DPP10: variants seen among roughly 807,000 people sequenced by gnomAD.
The protein encoded by DPP10 is inactive dipeptidyl peptidase 10.
Under a neutral mutation model 120.9 loss-of-function variants are expected in DPP10, and 33 were observed. The ratio of observed to expected loss-of-function variants is 0.27; its 90% CI spans 0.21 to 0.37. The LOEUF (loss-of-function observed/expected upper bound fraction) is 0.37, where lower values mean the gene tolerates loss of function less well. Ranked by LOEUF, DPP10 falls within the 10% of genes least tolerant of loss-of-function variation. The probability of loss-of-function intolerance (pLI) is 1.00; values close to 1 mark genes in which losing one functional copy is unlikely to be tolerated. For synonymous variants in DPP10, 337 were observed against 326.1 expected (o/e 1.03, Z -0.36); for missense variants, 816 against 942.8 (o/e 0.87, Z 1.76).
chr2:115,186,495 C>T (rs1167160342), intron 1 of DPP10, among the ~76,000 whole-genome samples: 1 of 152,024 alleles, frequency 6.6e-6, no homozygotes, highest in Non-Finnish European at 1.5e-5. Context: ...TTAGCTTATC[C>T]TTGGTGGTAG....
intron 1 of DPP10, among the ~76,000 whole-genome samples, chr2:115,287,517 C>T (rs910382493): frequency 1.3e-5 from 2 of 152,090 alleles, no homozygotes; most frequent in Non-Finnish European, 2.9e-5. Flanking sequence ...CATAGCTTAG[C>T]TCCCATTTAT....
At chr2:114,541,043 A>G (rs1200777482) in intron 1 of DPP10, among the ~76,000 whole-genome samples, 2 of 152,210 alleles carry the variant, frequency 1.3e-5, no homozygotes, top group African/African-American at 4.8e-5. Context: ...AAATAGATAT[A>G]TCTTTCAAGA....
At chr2:114,521,287 C>CACAA (rs1491067734) in intron 1 of DPP10, among the ~76,000 whole-genome samples, 1 of 150,284 alleles carries the variant, frequency 6.7e-6, no homozygotes, top group Non-Finnish European at 1.5e-5. Flanking sequence ...CACACACACA[C>CACAA]AAAGTGTTGA....
rs118109325 is a variant in DPP10 at position 115,153,907 on chromosome 2, C to T, written c.61-155332C>T. Among the ~76,000 whole-genome samples, 123 of 152,200 alleles carry T rather than the reference C, an allele frequency of 8.1e-4. 2 individuals are homozygous for T. In the East Asian group the frequency reaches 0.017, roughly 22 times the overall value. On this transcript the variant is annotated intron_variant, in intron 1 of 25. Coordinates refer to ENST00000410059, the MANE Select transcript of DPP10 (RefSeq NM_020868.6). The stretch of plus-strand genomic sequence containing the variant: ...CTTTGCTTTCTATAACATTCTGTAT[C>T]TTATTTTCTTGCTATATTTGTATAC...
At chr2:115,102,603 G>T (rs2048743948) in intron 1 of DPP10, among the ~76,000 whole-genome samples, 1 of 151,610 alleles carries the variant, frequency 6.6e-6, no homozygotes, top group Non-Finnish European at 1.5e-5. Context: ...TAGAGACGAG[G>T]TTTCACCATA....
intron 3 of DPP10, among the ~76,000 whole-genome samples, chr2:115,473,051 G>A (rs1666950): frequency 0.83 from 125,920 of 152,082 alleles, 55,173 homozygotes; most frequent in Non-Finnish European, 0.97. Context: ...AAAACCACAT[G>A]GCAATATAAT....
At chr2:114,777,539 A>T (rs1681871568) in intron 1 of DPP10, among the ~76,000 whole-genome samples, 1 of 152,100 alleles carries the variant, frequency 6.6e-6, no homozygotes, top group South Asian at 2.1e-4. Flanking sequence ...ATAAACAGCA[A>T]GGAAAGAAGG....
chr2:115,201,728 G>A (rs1037466602), intron 1 of DPP10, among the ~76,000 whole-genome samples: 1 of 152,132 alleles, frequency 6.6e-6, no homozygotes, highest in Non-Finnish European at 1.5e-5. Context: ...TCCACCTCCT[G>A]CTCTGTATGT....
At position 114,659,140 on chromosome 2, in the gene DPP10, G is replaced by T. The variant is rs1345751591; in HGVS notation, c.60+216302G>T. ...CCCCAGCAATAAGCCAGGTGTAACT[G>T]TGAACCAATTAAACTTCTTTCCTTC... On this transcript the variant is annotated intron_variant, in intron 1 of 25. Transcript: ENST00000410059. Among the ~76,000 whole-genome samples, 3 of 152,254 alleles carry T rather than the reference G, an allele frequency of 2.0e-5. No individual in the cohort carries two copies. In the South Asian group the frequency reaches 6.2e-4, roughly 32 times the overall value.
chr2:115,121,296 G>A (rs2049812720), intron 1 of DPP10, among the ~76,000 whole-genome samples: 1 of 152,200 alleles, frequency 6.6e-6, no homozygotes, highest in Admixed American at 6.5e-5. Context: ...CTTTTCGAGG[G>A]AAGTGATACC....
chr2:114,839,998 T>TG (rs1688031615), intron 1 of DPP10, among the ~76,000 whole-genome samples: 1 of 152,020 alleles, frequency 6.6e-6, no homozygotes, highest in Non-Finnish European at 1.5e-5. Context: ...TTTCAGGAGG[T>TG]GGGACGGTTC....
chr2:115,344,957 C>A (rs1224290054), intron 3 of DPP10, among the ~76,000 whole-genome samples: 3 of 152,072 alleles, frequency 2.0e-5, no homozygotes, highest in Non-Finnish European at 4.4e-5. Flanking sequence ...TGTATTTATG[C>A]TGGTGAATTA....
At chr2:114,501,060 A>G (rs988404230) in intron 1 of DPP10, among the ~76,000 whole-genome samples, 2 of 152,184 alleles carry the variant, frequency 1.3e-5, no homozygotes, top group African/African-American at 4.8e-5. Flanking sequence ...TTAATTTACT[A>G]ATGAATGACC....
intron 1 of DPP10, among the ~76,000 whole-genome samples, chr2:114,444,276 AC>A (rs1209024488): frequency 1.3e-5 from 2 of 152,196 alleles, no homozygotes; most frequent in African/African-American, 4.8e-5. Flanking sequence ...ATATCACTGA[AC>A]AAAGCCAAAA....
intron 1 of DPP10, among the ~76,000 whole-genome samples, chr2:114,915,054 C>T (rs1694678835): frequency 6.6e-6 from 1 of 152,044 alleles, no homozygotes; most frequent in Non-Finnish European, 1.5e-5. Flanking sequence ...TGGCGTGAAC[C>T]CGGGAGGCGG....
chr2:115,030,621 A>T (rs1396222442), intron 1 of DPP10, among the ~76,000 whole-genome samples: 1 of 152,124 alleles, frequency 6.6e-6, no homozygotes, highest in Non-Finnish European at 1.5e-5. Flanking sequence ...ATTTTTCCTG[A>T]TTCTTTCTCT....
chr2:115,674,379 C>A (rs2090120235), intron 5 of DPP10, among the ~76,000 whole-genome samples: 1 of 150,912 alleles, frequency 6.6e-6, no homozygotes, highest in Admixed American at 6.6e-5. Flanking sequence ...CTACATACTT[C>A]ATGATGTTTT....
chr2:115,317,899 T>A (rs999399650), intron 2 of DPP10, among the ~76,000 whole-genome samples: 1 of 152,140 alleles, frequency 6.6e-6, no homozygotes, highest in Non-Finnish European at 1.5e-5. Flanking sequence ...ATATACTTTC[T>A]TCTATAATGT....
chr2:115,822,290 T>C lies in DPP10; in HGVS notation c.1950+6561T>C, dbSNP rs193191452. On this transcript the variant is annotated intron_variant, in intron 21 of 25. Coordinates refer to ENST00000410059, the MANE Select transcript of DPP10 (RefSeq NM_020868.6). The stretch of plus-strand genomic sequence containing the variant: ...ATTCCTTCCTTCCCCTTTTCATCAT[T>C]TTTAATTGAGATATAATTGACATAC... Among the ~76,000 whole-genome samples the C allele has an allele frequency of 2.6e-5, 4 of 152,098 alleles. No individual in the cohort carries two copies. In the East Asian group the frequency reaches 7.7e-4, roughly 29 times the overall value.
Sources: gnomAD v4.1 joint callset for allele counts (sites outside exome capture counted in the v4.1 genomes callset) on GRCh38, gnomAD v4.1.1 for gene constraint, MANE v1.5 for transcripts, NCBI Gene and HGNC (gene_info 2026-07-23, HGNC 2026-07-21) for gene names.